Variants in CDK14 observed in about 807,000 individuals in gnomAD.
CDK14 encodes cyclin-dependent kinase 14.
Under a neutral mutation model 60.7 loss-of-function variants are expected in CDK14, and 34 were observed. The observed-to-expected ratio is 0.56, with a 90% CI of 0.43 to 0.75. The LOEUF (loss-of-function observed/expected upper bound fraction) is 0.75. CDK14 is among the 30% of genes least tolerant of loss of function. The probability of loss-of-function intolerance (pLI) is 0.00; values close to 1 mark genes in which losing one functional copy is unlikely to be tolerated. For missense variants in CDK14, 482 were observed against 564.1 expected (o/e 0.85, Z 1.47); for synonymous variants, 197 against 203.7 (o/e 0.97, Z 0.28).
intron 7 of CDK14, among the ~76,000 whole-genome samples, chr7:90,916,687 C>G (rs1793094582): frequency 6.6e-6 from 1 of 152,224 alleles, no homozygotes; most frequent in South Asian, 2.1e-4. Context: ...AAAGTAAGAA[C>G]ATTTGTTTTT....
chr7:90,895,362 T>TCCC (rs1562817544), intron 6 of CDK14, among the ~76,000 whole-genome samples: 185 of 12,454 alleles, frequency 0.015, 20 homozygotes, highest in Middle Eastern at 0.048. Context: ...TCTCCTCACC[T>TCCC]CTCCTCCCCT....
chr7:90,838,117 C>T (rs1039500152), intron 5 of CDK14, among the ~76,000 whole-genome samples: 6 of 152,128 alleles, frequency 3.9e-5, no homozygotes, highest in African/African-American at 1.2e-4. Flanking sequence ...GGCAGAAGAA[C>T]ATAAATTGTG....
intron 10 of CDK14, among the ~76,000 whole-genome samples, chr7:90,997,398 T>C (rs1330643578): frequency 6.6e-6 from 1 of 152,232 alleles, no homozygotes; most frequent in Admixed American, 6.5e-5. Context: ...TCTGTGGGAA[T>C]GAAGTTAGAA....
chr7:91,107,183 G>A (rs1024176567), intron 12 of CDK14, among the ~76,000 whole-genome samples: 1 of 152,192 alleles, frequency 6.6e-6, no homozygotes, highest in Non-Finnish European at 1.5e-5. Context: ...GATTTCAAGT[G>A]TAGTATAAAG....
intron 9 of CDK14, among the ~76,000 whole-genome samples, chr7:90,982,214 A>T (rs886858170): frequency 7.2e-5 from 11 of 152,216 alleles, no homozygotes; most frequent in Admixed American, 5.9e-4. Flanking sequence ...AAGGGGAGCA[A>T]TTCTGTCTGC....
intron 10 of CDK14, among the ~76,000 whole-genome samples, chr7:91,033,823 G>T (rs1169236265): frequency 1.3e-5 from 2 of 152,316 alleles, no homozygotes; most frequent in South Asian, 2.1e-4. Context: ...TGGGGACTGA[G>T]TCTGAAGCTG....
At chr7:90,831,494 G>A (rs902623181) in intron 5 of CDK14, among the ~76,000 whole-genome samples, 1 of 152,172 alleles carries the variant, frequency 6.6e-6, no homozygotes, top group African/African-American at 2.4e-5. Context: ...TGGAGACACA[G>A]AGCCAAACTG....
At chr7:90,717,340 C>A (rs997119331) in intron 2 of CDK14, among the ~76,000 whole-genome samples, 2 of 152,070 alleles carry the variant, frequency 1.3e-5, no homozygotes, top group African/African-American at 4.8e-5. Flanking sequence ...TCTGGAAAGA[C>A]TACCTAATAT....
chr7:90,715,835 T>C (rs946686254), intron 2 of CDK14, among the ~76,000 whole-genome samples: 5 of 151,912 alleles, frequency 3.3e-5, no homozygotes, highest in African/African-American at 1.2e-4. Flanking sequence ...AAACGCTGTG[T>C]TTTGTAGAAT....
intron 8 of CDK14, among the ~76,000 whole-genome samples, chr7:90,928,224 A>G (rs1382374585): frequency 6.6e-6 from 1 of 152,130 alleles, no homozygotes; most frequent in Non-Finnish European, 1.5e-5. Flanking sequence ...CTTTCAACTC[A>G]TCAAAGTCAT....
Position 90,862,967 on chromosome 7 carries a change from C to T in CDK14, c.545-208C>T, listed in dbSNP as rs560173579. Among the ~76,000 whole-genome samples the T allele has an allele frequency of 2.0e-5, 3 of 152,228 alleles. No individual in the cohort carries two copies. The South Asian group carries it at 6.2e-4, about 32-fold the overall frequency. On this transcript the variant is annotated intron_variant, in intron 5 of 14. Transcript: ENST00000380050. The stretch of plus-strand genomic sequence containing the variant: ...GGCTGAAGAACGAGGATCACTTGAA[C>T]CCAGGAGTTTGAGACCAGCCTGGGC...
chr7:90,814,292 C>T (rs897866835), intron 5 of CDK14, among the ~76,000 whole-genome samples: 1 of 152,000 alleles, frequency 6.6e-6, no homozygotes, highest in Non-Finnish European at 1.5e-5. Context: ...CTCTTACAGT[C>T]GGAAGGAAAG....
intron 3 of CDK14, among the ~76,000 whole-genome samples, chr7:90,747,109 A>T (rs1458115853): frequency 3.9e-5 from 6 of 152,202 alleles, no homozygotes; most frequent in Non-Finnish European, 5.9e-5. Flanking sequence ...GTAAAACTTT[A>T]TGAACACTAA....
At chr7:90,668,228 T>C (rs1213070093) in intron 2 of CDK14, among the ~76,000 whole-genome samples, 1 of 152,224 alleles carries the variant, frequency 6.6e-6, no homozygotes, top group Non-Finnish European at 1.5e-5. Context: ...TGAAGTGACA[T>C]GTCTTTGTGA....
chr7:90,645,924 A>G (rs1357777808), intron 2 of CDK14, among the ~76,000 whole-genome samples: 1 of 152,152 alleles, frequency 6.6e-6, no homozygotes, highest in East Asian at 1.9e-4. Flanking sequence ...CAGATCACTG[A>G]TCTGGGAAGT....
chr7:90,991,052 G>A lies in CDK14; in HGVS notation c.1041+6811G>A, dbSNP rs1247107416. Among the ~76,000 whole-genome samples the A allele has an allele frequency of 3.9e-5, 6 of 152,204 alleles. No individual in the cohort carries two copies. In the East Asian group the frequency reaches 1.2e-3, roughly 29 times the overall value. On this transcript the variant is annotated intron_variant, in intron 10 of 14. Coordinates refer to ENST00000380050, the MANE Select transcript of CDK14 (RefSeq NM_001287135.2). ...TTGCAAAACGATTGTTACACATCTTGGATATAAATGATGAGAAAAAGAGTC... is the reference window on the plus strand; with the variant it reads ...TTGCAAAACGATTGTTACACATCTTAGATATAAATGATGAGAAAAAGAGTC...
chr7:90,933,542 A>G (rs1256070845), intron 8 of CDK14, among the ~76,000 whole-genome samples: 1 of 152,236 alleles, frequency 6.6e-6, no homozygotes, highest in East Asian at 1.9e-4. Context: ...GTTTTCAAAC[A>G]GCTCACTGAG....
At chr7:90,605,376 C>T (rs1584736214) in intron 2 of CDK14, among the ~76,000 whole-genome samples, 1 of 152,220 alleles carries the variant, frequency 6.6e-6, no homozygotes, top group Admixed American at 6.5e-5. Flanking sequence ...AAGCAACTTT[C>T]CCTGCCAGCA....
chr7:90,920,632 C>T (rs79578080), intron 8 of CDK14, among the ~76,000 whole-genome samples: 225 of 152,312 alleles, frequency 1.5e-3, no homozygotes, highest in Admixed American at 2.4e-3. Context: ...TATATTTATA[C>T]ATATAGATAT....
Sources: allele counts gnomAD v4.1 joint callset (sites outside exome capture counted in the v4.1 genomes callset), GRCh38; gene constraint gnomAD v4.1.1; transcripts MANE v1.5; gene names NCBI Gene and HGNC (gene_info 2026-07-23, HGNC 2026-07-21).